STXBP5L: variants seen among roughly 807,000 people sequenced by gnomAD.
STXBP5L encodes syntaxin binding protein 5L.
Under a neutral mutation model 144.5 loss-of-function variants are expected in STXBP5L, and 65 were observed. The observed-to-expected ratio is 0.45, with a 90% CI of 0.37 to 0.55. STXBP5L has a LOEUF of 0.55. Among genes scored for constraint, STXBP5L ranks in the 20% least tolerant of loss-of-function variants. STXBP5L has a pLI of 0.00. For synonymous variants in STXBP5L, 505 were observed against 469.6 expected, an observed-to-expected ratio of 1.08 and a Z score of -0.97; for missense variants, 1,298 against 1,405.5, an observed-to-expected ratio of 0.92 and a Z score of 1.22.
At chr3:121,164,291 C>G (rs2046424550) in intron 9 of STXBP5L, among the ~76,000 whole-genome samples, 1 of 152,170 alleles carries the variant, frequency 6.6e-6, no homozygotes, top group Non-Finnish European at 1.5e-5. Flanking sequence ...ATCAAAACCA[C>G]TATGAGAAAT....
At chr3:120,933,155 C>T (rs1051961380) in intron 2 of STXBP5L, among the ~76,000 whole-genome samples, 4 of 151,866 alleles carry the variant, frequency 2.6e-5, no homozygotes, top group South Asian at 2.1e-4. Flanking sequence ...ATATAACTAA[C>T]CTGCACATTG....
At chr3:121,155,319 T>C (rs2046074831) in intron 8 of STXBP5L, among the ~76,000 whole-genome samples, 1 of 151,894 alleles carries the variant, frequency 6.6e-6, no homozygotes, top group Admixed American at 6.6e-5. Context: ...CCTTTGCTCC[T>C]TCTAACTTCT....
At chr3:121,339,241 C>T (rs1329001224) in intron 20 of STXBP5L, among the ~76,000 whole-genome samples, 1 of 152,020 alleles carries the variant, frequency 6.6e-6, no homozygotes, top group Non-Finnish European at 1.5e-5. Context: ...GGGTATTATC[C>T]CAGGGATGCA....
At chr3:121,189,145 CA>C (rs2047527197) in intron 9 of STXBP5L, among the ~76,000 whole-genome samples, 2 of 152,232 alleles carry the variant, frequency 1.3e-5, no homozygotes, top group South Asian at 4.1e-4. Flanking sequence ...GAGTAGGTTG[CA>C]AAAATTTTCT....
At chr3:121,373,058 T>C (rs1048726427) in intron 20 of STXBP5L, among the ~76,000 whole-genome samples, 4 of 152,246 alleles carry the variant, frequency 2.6e-5, no homozygotes, top group Admixed American at 6.5e-5. Context: ...CAAATAATTT[T>C]ATCTCAGTAT....
intron 3 of STXBP5L, among the ~76,000 whole-genome samples, chr3:120,959,687 A>T (rs979742831): frequency 6.6e-6 from 1 of 152,244 alleles, no homozygotes; most frequent in African/African-American, 2.4e-5. Context: ...GCTGGTGGGA[A>T]AACTGGCTAG....
At chr3:121,004,111 A>AT (rs1944039836) in intron 3 of STXBP5L, among the ~76,000 whole-genome samples, 1 of 152,074 alleles carries the variant, frequency 6.6e-6, no homozygotes, top group Admixed American at 6.6e-5. Context: ...CTTGATGGGG[A>AT]TGGCACTGAA....
chr3:121,407,745 T>G, intron 23 of STXBP5L, 142 bp downstream of exon 23: 7 of 1,215,594 alleles, frequency 5.8e-6, no homozygotes, highest in Non-Finnish European at 7.8e-6. Flanking sequence ...TGTTTTATTG[T>G]TCAACGATTT....
At chr3:121,195,088 G>A (rs2047866789) in intron 9 of STXBP5L, among the ~76,000 whole-genome samples, 1 of 151,332 alleles carries the variant, frequency 6.6e-6, no homozygotes, top group Admixed American at 6.6e-5. Context: ...GCTAATTTTT[G>A]TATTTTTTTT....
At chr3:120,936,240 A>G (rs1433484469) in intron 2 of STXBP5L, among the ~76,000 whole-genome samples, 2 of 151,944 alleles carry the variant, frequency 1.3e-5, no homozygotes, top group East Asian at 1.9e-4. Context: ...TAAATTACCC[A>G]CCTGTTCTTA....
chr3:121,225,527 A>C (rs550347740), intron 11 of STXBP5L, among the ~76,000 whole-genome samples: 10 of 152,246 alleles, frequency 6.6e-5, no homozygotes, highest in Admixed American at 1.3e-4. Context: ...TGGGACAAGC[A>C]GAAATGACTG....
intron 5 of STXBP5L, among the ~76,000 whole-genome samples, chr3:121,107,518 A>G (rs2043771720): frequency 1.3e-5 from 2 of 152,098 alleles, no homozygotes; most frequent in Admixed American, 1.3e-4. Flanking sequence ...CAAAGTTCAG[A>G]TGGTTGTAGA....
Position 121,329,213 on chromosome 3 carries a change from T to G in STXBP5L, c.2176+10673T>G, listed in dbSNP as rs138979968. On this transcript the variant is annotated intron_variant, in intron 20 of 26. Coordinates refer to ENST00000471454, the MANE Select transcript of STXBP5L (RefSeq NM_001308330.2). ...CTGGGTAAAAGTCCCGTAGGTTGGT[T>G]AATACTCATGAAGACTTAAAAGATT... 5.9e-3 allele frequency among the ~76,000 whole-genome samples: 899 copies of G among 152,270 alleles called. 5 individuals carry two copies. Among genetic ancestry groups the G allele is most frequent in the Non-Finnish European group, 0.011 (721 of 68,002 alleles).
chr3:121,186,519 G>T (rs1181286231), intron 9 of STXBP5L, among the ~76,000 whole-genome samples: 4 of 152,068 alleles, frequency 2.6e-5, no homozygotes, highest in Non-Finnish European at 5.9e-5. Context: ...GTTGAATTTT[G>T]TCAAAGGCCT....
chr3:121,340,380 T>C (rs982453118), intron 20 of STXBP5L, among the ~76,000 whole-genome samples: 4 of 152,114 alleles, frequency 2.6e-5, no homozygotes, highest in African/African-American at 2.4e-5. Context: ...GTGCACAACA[T>C]GCAGGTTTGT....
chr3:121,216,668 C>A (rs1241851642), intron 10 of STXBP5L, among the ~76,000 whole-genome samples: 2 of 152,192 alleles, frequency 1.3e-5, no homozygotes, highest in African/African-American at 4.8e-5. Context: ...GTGTCAAGGG[C>A]CCACTTGAAG....
chr3:120,967,398 C>G (rs1939724848), intron 3 of STXBP5L, among the ~76,000 whole-genome samples: 1 of 152,180 alleles, frequency 6.6e-6, no homozygotes, highest in South Asian at 2.1e-4. Flanking sequence ...CTGGGAGCTG[C>G]AGACTGGAGT....
At chr3:121,017,105 T>G (rs533093225) in intron 3 of STXBP5L, among the ~76,000 whole-genome samples, 14 of 152,328 alleles carry the variant, frequency 9.2e-5, no homozygotes, top group African/African-American at 3.4e-4. Context: ...AAGTGGGATT[T>G]ATTCCAGTTA....
intron 2 of STXBP5L, among the ~76,000 whole-genome samples, chr3:120,936,613 TGCAG>T (rs945798629): frequency 2.6e-5 from 4 of 151,982 alleles, no homozygotes; most frequent in African/African-American, 9.7e-5. Context: ...GTCTGATACA[TGCAG>T]GTTTTTTTTT....
Sources: gnomAD v4.1 joint callset for allele counts (sites outside exome capture counted in the v4.1 genomes callset) on GRCh38, gnomAD v4.1.1 for gene constraint, MANE v1.5 for transcripts, NCBI Gene and HGNC (gene_info 2026-07-23, HGNC 2026-07-21) for gene names.